The following GNG3 variants were observed in gnomAD, a reference collection of about 807,000 sequenced individuals.
GNG3 encodes the protein G protein subunit gamma 3, also known as guanine nucleotide-binding protein G(I)/G(S)/G(O) subunit gamma-3.
In GNG3, 4 loss-of-function variants were observed where a neutral mutation model predicts 5.6. The observed-to-expected ratio is 0.71, with a 90% CI of 0.35 to 1.63. GNG3 has a LOEUF of 1.63. GNG3 is among the 40% of genes most tolerant of loss of function. The pLI, the probability that GNG3 is intolerant of heterozygous loss-of-function variation, is 0.05. For missense variants in GNG3, 62 were observed against 96.6 expected, an observed-to-expected ratio of 0.64 and a Z score of 1.50; for synonymous variants, 30 against 33.5, an observed-to-expected ratio of 0.89 and a Z score of 0.36.
intron 1 of GNG3, 181 bp downstream of exon 1, chr11:62,708,096 T>C (rs957739043): frequency 1.7e-6 from 1 of 599,194 alleles, no homozygotes; most frequent in Non-Finnish European, 3.0e-6. Context: ...ATGAGGGAGT[T>C]TGGGGAGCAC....
chr11:62,708,582 G>T, intron 2 of GNG3, 96 bp from the exon 3 acceptor site: 1 of 1,542,418 alleles, frequency 6.5e-7, no homozygotes, highest in Non-Finnish European at 8.8e-7. Flanking sequence ...GTCGTAAGGA[G>T]CCCTGGAGAT....
upstream of GNG3, chr11:62,707,465 G>T: frequency 1.5e-6 from 1 of 679,448 alleles, no homozygotes; most frequent in South Asian, 1.5e-5. Context: ...CCACTGCAGG[G>T]GCCGTCATAG....
intron 2 of GNG3, 103 bp from the exon 3 acceptor site, chr11:62,708,575 G>A (rs1309549875): frequency 1.1e-5 from 16 of 1,513,486 alleles, no homozygotes; most frequent in Admixed American, 5.7e-5. Context: ...AAGACAAGTC[G>A]TAAGGAGCCC....
upstream of GNG3, chr11:62,707,451 G>A: frequency 1.4e-6 from 1 of 692,508 alleles, no homozygotes; most frequent in Non-Finnish European, 2.6e-6. Flanking sequence ...AGCCAGTACA[G>A]ACTCCACTGC....
Position 62,708,302 on chromosome 11 carries a change from G to A in GNG3, c.7G>A (p.Gly3Ser), listed in dbSNP as rs763384342. 1.2e-6 allele frequency: 2 copies of A among 1,610,050 alleles called. No homozygotes were observed. The highest frequency in any genetic ancestry group is 1.7e-5 in the Admixed American group (1 of 60,022). MK[G>S]ETPVNSTMSI... ...GGTCCCTCTTTTTTCCAGGATGAAAGGTGAGACCCCGGTGAACAGCACTAT... is the reference window on the plus strand; with the variant it reads ...GGTCCCTCTTTTTTCCAGGATGAAAAGTGAGACCCCGGTGAACAGCACTAT... The change falls in exon 2 of 3, where the codon GGT (glycine) becomes AGT (serine). Residue 3 changes from glycine (G) to serine (S), a missense_variant. Coordinates refer to ENST00000294117, the MANE Select transcript of GNG3 (RefSeq NM_012202.5).
chr11:62,707,042 G>A (rs1364559954), upstream of GNG3: 11 of 1,344,642 alleles, frequency 8.2e-6, no homozygotes, highest in Middle Eastern at 1.8e-4. Flanking sequence ...CCATCCCCCC[G>A]CCCCCTTCAC....
rs1029721686 is a variant in GNG3, at chr11:62,708,654, A to G, written c.100-24A>G. On this transcript the variant is annotated intron_variant, in intron 2 of 2. Transcript: ENST00000294117. ...TCCCCTTCAGAGGTCCTGGCTAACA[A>G]TACCCTTCCTGGCTGTGTCCCAGGT... The G allele has an allele frequency of 6.8e-6, 11 of 1,612,902 alleles. No homozygotes were observed. In the Admixed American group the frequency reaches 1.7e-4, roughly 24 times the overall value.
upstream of GNG3, chr11:62,707,016 A>G: frequency 9.0e-7 from 1 of 1,116,826 alleles, no homozygotes; most frequent in Non-Finnish European, 1.3e-6. Flanking sequence ...AAATGAATGA[A>G]ATTCTTAAAA....
In GNG3 at chr11:62,708,836, CT is replaced by C; in HGVS notation, c.*34del. On this transcript the variant is annotated 3_prime_UTR_variant, in exon 3 of 3. Transcript: ENST00000294117. The stretch of plus-strand genomic sequence containing the variant: ...CCCTGTCCCTTCTCACAACTCCTCC[CT>C]TTTCCCTCTCCTGGGCCCTTCCTTA... The C allele has an allele frequency of 1.9e-6, 3 of 1,554,638 alleles. No individual in the cohort carries two copies. The highest frequency in any genetic ancestry group is 2.7e-6 in the Non-Finnish European group (3 of 1,127,348).
intron 1 of GNG3, 113 bp downstream of exon 1, chr11:62,708,028 G>A (rs2083572053): frequency 2.0e-6 from 1 of 492,768 alleles, no homozygotes; most frequent in African/African-American, 1.9e-5. Flanking sequence ...CACATGGTTT[G>A]AAGGGCTGAA....
At chr11:62,706,462 T>G, upstream of GNG3, 1 of 405,724 alleles carries the variant, frequency 2.5e-6, no homozygotes, top group Non-Finnish European at 4.5e-6. Flanking sequence ...CCACTGGCTC[T>G]CTCTGCGGCA....
At chr11:62,707,497 A>C (rs894294171), upstream of GNG3, 23 of 641,028 alleles carry the variant, frequency 3.6e-5, no homozygotes, top group African/African-American at 1.4e-4. Flanking sequence ...GCCATTTGAG[A>C]GGGGGAGTCG....
In GNG3 at chr11:62,707,784, T is replaced by C; in HGVS notation, c.-133T>C. The C allele has an allele frequency of 3.8e-6, 1 of 263,798 alleles. No homozygotes were observed. The highest frequency in any genetic ancestry group is 4.6e-5 in the South Asian group (1 of 21,828). 16.3% of individuals were successfully genotyped at this position (263,798 alleles called of 1,614,324 possible). ...CCCTCCCCAGGGGCCTCCTTTCGTA[T>C]AGTCACTGCTTCTGCATCAGATACT... On this transcript the variant is annotated 5_prime_UTR_variant, in exon 1 of 3. Transcript: ENST00000294117.
chr11:62,707,390 G>A, upstream of GNG3: 1 of 708,844 alleles, frequency 1.4e-6, no homozygotes. Context: ...AAGGAGGAGG[G>A]GGGCGACTGC....
upstream of GNG3, chr11:62,706,635 C>T (rs1172938093): frequency 6.3e-6 from 3 of 473,002 alleles, no homozygotes; most frequent in African/African-American, 4.0e-5. Flanking sequence ...CCATTTCACC[C>T]GCGAAGCGGC....
At chr11:62,707,168 C>T (rs1256177711), upstream of GNG3, 1 of 1,554,074 alleles carries the variant, frequency 6.4e-7, no homozygotes, top group Non-Finnish European at 8.7e-7. Context: ...CCAGCTTCCT[C>T]CTTTTGGTCT....
upstream of GNG3, chr11:62,707,030 A>C: frequency 7.9e-7 from 1 of 1,260,610 alleles, no homozygotes; most frequent in Non-Finnish European, 1.1e-6. Flanking sequence ...CTTAAAACCA[A>C]TCCATCCCCC....
At chr11:62,707,134 T>C, upstream of GNG3, 1 of 1,554,636 alleles carries the variant, frequency 6.4e-7, no homozygotes, top group South Asian at 1.2e-5. Context: ...TCCTTTGATC[T>C]GGTCTCCGCA....
In GNG3 at chr11:62,708,294, G is replaced by A; in HGVS notation, c.-1-1G>A. 6.2e-7 allele frequency: 1 copy of A among 1,604,214 alleles called. No individual in the cohort carries two copies. Among genetic ancestry groups the A allele is most frequent in the Non-Finnish European group, 8.5e-7 (1 of 1,170,850 alleles). On this transcript the variant is annotated splice_acceptor_variant, in intron 1 of 2. Transcript: ENST00000294117. LOFTEE classifies it low-confidence loss of function (5UTR_SPLICE). ...CTCTGAGAGGTCCCTCTTTTTTCCA[G>A]GATGAAAGGTGAGACCCCGGTGAAC...
Sources: allele counts gnomAD v4.1 joint callset, GRCh38; gene constraint gnomAD v4.1.1; transcripts MANE v1.5; gene names NCBI Gene and HGNC (gene_info 2026-07-23, HGNC 2026-07-21).